The following XKR7 variants were observed in gnomAD, a reference collection of about 807,000 sequenced individuals.
The protein encoded by XKR7 is XK-related protein 7.
In XKR7, 11 loss-of-function variants were observed where a neutral mutation model predicts 42.2. The ratio of observed to expected loss-of-function variants is 0.26; its 90% CI spans 0.16 to 0.43. XKR7 has a LOEUF of 0.43. Ranked by LOEUF, XKR7 falls within the 20% of genes least tolerant of loss-of-function variation. The pLI, the probability that XKR7 is intolerant of heterozygous loss-of-function variation, is 1.00. For missense variants in XKR7, 710 were observed against 802.2 expected, an observed-to-expected ratio of 0.89 and a Z score of 1.39; for synonymous variants, 346 against 366.4, an observed-to-expected ratio of 0.94 and a Z score of 0.64.
At chr20:31,989,044 G>A (rs566197160) in intron 1 of XKR7, among the ~76,000 whole-genome samples, 1 of 152,156 alleles carries the variant, frequency 6.6e-6, no homozygotes, top group Non-Finnish European at 1.5e-5. Flanking sequence ...TTCACAGTGG[G>A]AGAATGGAAA....
intron 1 of XKR7, among the ~76,000 whole-genome samples, chr20:31,983,538 TCAGGAAG>T (rs2064523203): frequency 6.6e-6 from 1 of 152,024 alleles, no homozygotes; most frequent in Non-Finnish European, 1.5e-5. Context: ...CTTGGTGTGT[TCAGGAAG>T]CAGGAGCTGG....
At chr20:31,972,444 C>T (rs930043981) in intron 1 of XKR7, among the ~76,000 whole-genome samples, 8 of 152,208 alleles carry the variant, frequency 5.3e-5, no homozygotes, top group African/African-American at 1.4e-4. Flanking sequence ...TGGCGGGGCA[C>T]GAAGCTGGCT....
At chr20:31,980,229 G>T (rs2122259073) in intron 1 of XKR7, among the ~76,000 whole-genome samples, 1 of 151,948 alleles carries the variant, frequency 6.6e-6, no homozygotes, top group South Asian at 2.1e-4. Context: ...CACATGAAAT[G>T]GGAGCCAAAC....
intron 1 of XKR7, among the ~76,000 whole-genome samples, chr20:31,980,088 A>G (rs1236738756): frequency 2.8e-5 from 4 of 141,740 alleles, no homozygotes; most frequent in Non-Finnish European, 3.0e-5. Flanking sequence ...CTTCTCAGTT[A>G]GGGCCTAAAA....
chr20:31,992,734 G>C (rs555955119), intron 1 of XKR7, among the ~76,000 whole-genome samples: 1 of 152,244 alleles, frequency 6.6e-6, no homozygotes, highest in Admixed American at 6.5e-5. Flanking sequence ...GTCCTAAATG[G>C]GATGTTCCTG....
rs79908241 is a variant in XKR7 at position 31,968,876 on chromosome 20, C to T, written c.584+117C>T. Reference sequence around the variant, plus strand: ...GCTACCCTCCTGTCCTGACCTCCCCCCCTCCCCACCCCATTGCAGCTCTAA... The same window carrying T: ...GCTACCCTCCTGTCCTGACCTCCCCTCCTCCCCACCCCATTGCAGCTCTAA... On this transcript the variant is annotated intron_variant, in intron 1 of 2. Transcript: ENST00000562532. This position sits in a 1 kb window ranked among gnomAD's most constrained non-coding sequence, Gnocchi z 4.5. 17 of 1,376,820 alleles carry T rather than the reference C, an allele frequency of 1.2e-5. No homozygotes were observed. The highest frequency in any genetic ancestry group is 8.8e-5 in the African/African-American group (6 of 68,092). 85.3% of individuals were successfully genotyped at this position (1,376,820 alleles called of 1,614,324 possible). A position where few individuals can be genotyped will look rare whatever the true frequency, so the allele number is the denominator to read the frequency against.
rs115920350 is a variant in XKR7 at position 31,977,432 on chromosome 20, C to T, written c.584+8673C>T. Among the ~76,000 whole-genome samples, 871 of 152,198 alleles carry T rather than the reference C, an allele frequency of 5.7e-3. 11 individuals carry two copies. The highest frequency in any genetic ancestry group is 0.02 in the African/African-American group (823 of 41,500). ...TCAAGGAGCCATGACATCCTAGTTG[C>T]GTGACCCTGGGGAAGTTGCTCCACC... On this transcript the variant is annotated intron_variant, in intron 1 of 2. Coordinates refer to ENST00000562532, the MANE Select transcript of XKR7 (RefSeq NM_001011718.2).
In XKR7 at chr20:31,997,546, A is replaced by G; in HGVS notation, c.*89A>G. On this transcript the variant is annotated 3_prime_UTR_variant, in exon 3 of 3. Transcript: ENST00000562532. ...CCCCGAATTTCAGGGCCACCAGGCT[A>G]AGGGGGAGTGGATCTGTTGGTCCAA... is the stretch of plus-strand genomic sequence containing the variant. The G allele has an allele frequency of 4.0e-6, 5 of 1,238,352 alleles. No individual in the cohort carries two copies. The highest frequency in any genetic ancestry group is 5.5e-6 in the Non-Finnish European group (5 of 904,568). The allele number at this position is 1,238,352 out of a possible 1,614,324, so 76.7% of individuals were successfully genotyped here. A position where few individuals can be genotyped will look rare whatever the true frequency, so the allele number is the denominator to read the frequency against.
chr20:31,992,131 A>G (rs1305273135), intron 1 of XKR7, among the ~76,000 whole-genome samples: 1 of 152,160 alleles, frequency 6.6e-6, no homozygotes, highest in African/African-American at 2.4e-5. Flanking sequence ...ACAAAACAAA[A>G]CAAAACAAAA....
chr20:31,997,397 G>T lies in XKR7; in HGVS notation c.1680G>T (p.Arg560=). The T allele has an allele frequency of 6.3e-7, 1 of 1,599,898 alleles. No individual in the cohort carries two copies. The highest frequency in any genetic ancestry group is 8.5e-7 in the Non-Finnish European group (1 of 1,179,896). The part of the protein sequence containing the change: ...ALEYSSPATP[R]LQYRSVGTSQ... ...AGTACTCCTCACCTGCCACGCCCCG[G>T]TTGCAGTACCGGAGTGTGGGGACTT... Residue 560 remains arginine (R), a synonymous_variant, in exon 3 of 3, where the codon CGG becomes CGT. Transcript: ENST00000562532.
rs1390265073 is a variant in XKR7 at position 31,999,107 on chromosome 20, G to A, written c.*1650G>A. The A allele has an allele frequency of 6.6e-6, 1 of 150,454 alleles. No homozygotes were observed. The highest frequency in any genetic ancestry group is 1.5e-5 in the Non-Finnish European group (1 of 67,866). 9.3% of individuals were successfully genotyped at this position (150,454 alleles called of 1,614,324 possible). On this transcript the variant is annotated 3_prime_UTR_variant, in exon 3 of 3. Transcript: ENST00000562532. Reference sequence around the variant, plus strand: ...GGAGAGGACAGCAGCGGATGTTAAGGACAGATGCCAACCTGATCCTGGAGT... The same window carrying A: ...GGAGAGGACAGCAGCGGATGTTAAGAACAGATGCCAACCTGATCCTGGAGT...
At chr20:31,993,377 A>C (rs2064578136) in intron 1 of XKR7, among the ~76,000 whole-genome samples, 1 of 152,138 alleles carries the variant, frequency 6.6e-6, no homozygotes, top group Admixed American at 6.5e-5. Flanking sequence ...ACTGTACTTC[A>C]TAGTGTGCAA....
chr20:31,968,695 T>C lies in XKR7; in HGVS notation c.520T>C (p.Cys174Arg). Reference sequence around the variant, plus strand: ...GGCCAGCGCCTACCGCCGCCGCTGCTGCCGCCTCTGCATCTGGCTGCTGCA... The same window carrying C: ...GGCCAGCGCCTACCGCCGCCGCTGCCGCCGCCTCTGCATCTGGCTGCTGCA... ...SSASAYRRRC[C>R]RLCIWLLQTL... Residue 174 changes from cysteine to arginine, a missense_variant, in exon 1 of 3, where the codon TGC becomes CGC. By Grantham distance (180) the Cys-to-Arg change is radical. Around this residue, in one of 2 missense-constraint regions of XKR7, gnomAD observed 708 missense variants for 786.2 expected, o/e 0.90. Coordinates refer to ENST00000562532, the MANE Select transcript of XKR7 (RefSeq NM_001011718.2). This position sits in a 1 kb window ranked among gnomAD's most constrained non-coding sequence, Gnocchi z 4.5. 3 of 1,565,864 alleles carry C rather than the reference T, an allele frequency of 1.9e-6. No individual in the cohort carries two copies. Among genetic ancestry groups the C allele is most frequent in the Non-Finnish European group, 2.6e-6 (3 of 1,163,796 alleles).
intron 1 of XKR7, among the ~76,000 whole-genome samples, chr20:31,993,111 C>CACACACACACACACACACACAT (rs144007726): frequency 1.6e-4 from 24 of 150,690 alleles, no homozygotes; most frequent in African/African-American, 5.7e-4. Flanking sequence ...CACACACACA[C>CACACACACACACACACACACAT]ACACATACAC....
chr20:31,973,890 C>A (rs1161745314), intron 1 of XKR7, among the ~76,000 whole-genome samples: 1 of 152,068 alleles, frequency 6.6e-6, no homozygotes, highest in Non-Finnish European at 1.5e-5. Flanking sequence ...ACTCTGGCTG[C>A]TGGGTGGGGA....
rs1296717766 is a variant in XKR7 at position 31,997,230 on chromosome 20, C to T, written c.1513C>T (p.Pro505Ser). 2 of 1,611,404 alleles carry T rather than the reference C, an allele frequency of 1.2e-6. No homozygotes were observed. Among genetic ancestry groups the T allele is most frequent in the African/African-American group, 1.3e-5 (1 of 74,952 alleles). ...CACCCCACCTGTCTTCCAGGTGCGG[C>T]CTGGCTTGCCTCCCACACCAGTGGC... ...TPTPPVFQVR[P>S]GLPPTPVART... is the part of the protein sequence containing the mutation. Residue 505 changes from proline (P) to serine (S), a missense_variant, in exon 3 of 3, where the codon CCT becomes TCT. Around this residue, in one of 2 missense-constraint regions of XKR7, gnomAD observed 708 missense variants for 786.2 expected, o/e 0.90. Coordinates refer to ENST00000562532, the MANE Select transcript of XKR7 (RefSeq NM_001011718.2).
chr20:31,984,490 G>A (rs898914080), intron 1 of XKR7, among the ~76,000 whole-genome samples: 9 of 152,228 alleles, frequency 5.9e-5, no homozygotes, highest in African/African-American at 1.9e-4. Context: ...AGTTGGATGG[G>A]TGGGGAGGGG....
At chr20:31,984,126 T>C (rs2064526455) in intron 1 of XKR7, among the ~76,000 whole-genome samples, 1 of 151,566 alleles carries the variant, frequency 6.6e-6, no homozygotes, top group Non-Finnish European at 1.5e-5. Context: ...CCAGGCGTGG[T>C]GGCGCACACC....
At position 31,972,171 on chromosome 20, in the gene XKR7, T is replaced by C. The variant is rs74398374; in HGVS notation, c.584+3412T>C. ...ATACACAGACACTGCACACCTACCG[T>C]GTCCCCACAGGCCCTGTGTGAGTGT... On this transcript the variant is annotated intron_variant, in intron 1 of 2. Coordinates refer to ENST00000562532, the MANE Select transcript of XKR7 (RefSeq NM_001011718.2). Among the ~76,000 whole-genome samples the C allele has an allele frequency of 5.8e-3, 882 of 152,254 alleles. 4 individuals carry two copies. The highest frequency in any genetic ancestry group is 0.019 in the African/African-American group (807 of 41,528).
Sources: gnomAD v4.1 joint callset for allele counts (sites outside exome capture counted in the v4.1 genomes callset) on GRCh38, gnomAD v4.1.1 for gene constraint, gnomAD v4.1.1 regional missense constraint, Gnocchi (gnomAD v3.1) non-coding constraint, MANE v1.5 for transcripts, NCBI Gene and HGNC (gene_info 2026-07-23, HGNC 2026-07-21) for gene names.